STOX1: variants seen among roughly 807,000 people sequenced by gnomAD.
STOX1 encodes the protein storkhead box 1, also known as storkhead-box protein 1.
A neutral mutation model predicts 74.8 loss-of-function variants in STOX1; 57 were observed. The observed-to-expected ratio is 0.76, with a 90% CI of 0.62 to 0.95. The LOEUF is 0.95. Among genes scored for constraint, STOX1 ranks in the 40% least tolerant of loss-of-function variants. STOX1 has a pLI of 0.00. For synonymous variants in STOX1, 375 were observed against 401.3 expected (o/e 0.93, Z 0.78); for missense variants, 1,010 against 1,117.0 (o/e 0.90, Z 1.37).
At chr10:68,830,588 C>T (rs1010716755) in intron 1 of STOX1, among the ~76,000 whole-genome samples, 9 of 152,106 alleles carry the variant, frequency 5.9e-5, no homozygotes, top group African/African-American at 1.9e-4. Context: ...AGTGAACTGC[C>T]TGCCTCAGCC....
chr10:68,834,659 C>T (rs1435985355), intron 1 of STOX1, among the ~76,000 whole-genome samples: 3 of 152,232 alleles, frequency 2.0e-5, no homozygotes, highest in Non-Finnish European at 4.4e-5. Context: ...CCAGAAAGTT[C>T]CCTCCTGTCC....
chr10:68,870,064 A>G (rs1840500950), intron 1 of STOX1, among the ~76,000 whole-genome samples: 1 of 152,064 alleles, frequency 6.6e-6, no homozygotes, highest in Non-Finnish European at 1.5e-5. Context: ...AATAGAAAGG[A>G]CAGCTTTAAA....
chr10:68,885,339 A>C lies in STOX1; in HGVS notation c.1543A>C (p.Lys515Gln), dbSNP rs1247787337. The C allele has an allele frequency of 1.9e-6, 3 of 1,614,248 alleles. No homozygotes were observed. The change falls in exon 3 of 4, where the codon AAG (lysine) becomes CAG (glutamine). Residue 515 changes from lysine to glutamine, a missense_variant. Physicochemically the swap from Lys to Gln is moderately conservative, Grantham distance 53. Coordinates refer to ENST00000298596, the MANE Select transcript of STOX1 (RefSeq NM_152709.5). ...STISKGHKIQ[K>Q]TSDLKPSQTG... ...AATATCCAAAGGGCACAAAATTCAG[A>C]AGACGAGTGATCTGAAACCCAGCCA...
chr10:68,839,966 G>A (rs1839653038), intron 1 of STOX1, among the ~76,000 whole-genome samples: 1 of 152,050 alleles, frequency 6.6e-6, no homozygotes, highest in South Asian at 2.1e-4. Context: ...ATTAAAACAT[G>A]TGGTACCAGC....
intron 1 of STOX1, among the ~76,000 whole-genome samples, chr10:68,878,036 C>T (rs1840721926): frequency 6.6e-6 from 1 of 152,050 alleles, no homozygotes; most frequent in Admixed American, 6.6e-5. Context: ...AGGAAAAGGC[C>T]AGAAAAAACC....
rs1840489199 is a variant in STOX1 at position 68,869,521 on chromosome 10, AT to A, written c.311-12433del. Among the ~76,000 whole-genome samples the A allele has an allele frequency of 4.6e-5, 7 of 152,274 alleles. No individual in the cohort carries two copies. The South Asian group carries it at 1.5e-3, about 32-fold the overall frequency. On this transcript the variant is annotated intron_variant, in intron 1 of 3. Coordinates refer to ENST00000298596, the MANE Select transcript of STOX1 (RefSeq NM_152709.5). The stretch of plus-strand genomic sequence containing the variant: ...ATTTTAGTTAGTCTTAAATGACAGG[AT>A]TTTGAAACGCTGAGGTATGGGGAAG...
chr10:68,889,142 A>G (rs865852247), intron 3 of STOX1, among the ~76,000 whole-genome samples: 2 of 151,368 alleles, frequency 1.3e-5, no homozygotes, highest in African/African-American at 4.9e-5. Flanking sequence ...TACTATACCC[A>G]GCTAATTTTT....
chr10:68,886,248 T>C lies in STOX1; in HGVS notation c.2452T>C (p.Ser818Pro), dbSNP rs1356143322. 28 of 1,614,060 alleles carry C rather than the reference T, an allele frequency of 1.7e-5. No homozygotes were observed. Among genetic ancestry groups the C allele is most frequent in the Non-Finnish European group, 2.3e-5 (27 of 1,180,056 alleles). The change falls in exon 3 of 4, where the codon TCT becomes CCT. Residue 818 changes from serine (S) to proline (P), a missense_variant. By Grantham distance (74) the Ser-to-Pro change is moderately conservative (BLOSUM62 -1). Coordinates refer to ENST00000298596, the MANE Select transcript of STOX1 (RefSeq NM_152709.5). ...TPGESQEPNL[S>P]AESCGLNSGA... Reference sequence around the variant, plus strand: ...AGGTGAAAGCCAAGAACCTAACCTCTCTGCTGAAAGTTGTGGCCTAAATTC... The same window carrying C: ...AGGTGAAAGCCAAGAACCTAACCTCCCTGCTGAAAGTTGTGGCCTAAATTC...
intron 1 of STOX1, among the ~76,000 whole-genome samples, chr10:68,868,337 C>G (rs567627366): frequency 6.6e-6 from 1 of 152,230 alleles, no homozygotes; most frequent in Non-Finnish European, 1.5e-5. Context: ...CTATTCTTCA[C>G]AAGAACAAAG....
chr10:68,886,179 A>C lies in STOX1; in HGVS notation c.2383A>C (p.Lys795Gln). ...GGAGAGGGTTGAGTCTCAGGTGCTTAAAAGAAATGAATGCTACAAACCCAC... is the reference window on the plus strand; with the variant it reads ...GGAGAGGGTTGAGTCTCAGGTGCTTCAAAGAAATGAATGCTACAAACCCAC... The part of the protein sequence containing the change: ...TMERVESQVL[K>Q]RNECYKPTGL... Residue 795 changes from lysine to glutamine, a missense_variant, in exon 3 of 4, where the codon AAA becomes CAA. Physicochemically the swap from Lys to Gln is moderately conservative, Grantham distance 53 (BLOSUM62 1). Coordinates refer to ENST00000298596, the MANE Select transcript of STOX1 (RefSeq NM_152709.5). The C allele has an allele frequency of 6.2e-7, 1 of 1,614,122 alleles. No homozygotes were observed. The highest frequency in any genetic ancestry group is 8.5e-7 in the Non-Finnish European group (1 of 1,180,018).
At chr10:68,846,123 TTATTATTA>T (rs1839845105) in intron 1 of STOX1, among the ~76,000 whole-genome samples, 2 of 48,876 alleles carry the variant, frequency 4.1e-5, no homozygotes, top group South Asian at 1.2e-3. Flanking sequence ...GAGGTTTTTA[TTATTATTA>T]TTATTATTAT....
chr10:68,842,585 G>T (rs373812479), intron 1 of STOX1, among the ~76,000 whole-genome samples: 181 of 143,884 alleles, frequency 1.3e-3, no homozygotes, highest in African/African-American at 4.4e-3. Context: ...CTGTCACCCA[G>T]GCTGGAGTCC....
chr10:68,863,911 G>A (rs1254226497), intron 1 of STOX1, among the ~76,000 whole-genome samples: 2 of 148,632 alleles, frequency 1.3e-5, no homozygotes, highest in Non-Finnish European at 3.0e-5. Context: ...ACAGCTACAA[G>A]TTCTGCTTGT....
At chr10:68,876,700 C>T (rs1160456574) in intron 1 of STOX1, among the ~76,000 whole-genome samples, 1 of 152,154 alleles carries the variant, frequency 6.6e-6, no homozygotes, top group Non-Finnish European at 1.5e-5. Flanking sequence ...TATGCTCTGG[C>T]TCAAAGTCTC....
chr10:68,867,234 C>A (rs10998467), intron 1 of STOX1, among the ~76,000 whole-genome samples: 3 of 152,004 alleles, frequency 2.0e-5, no homozygotes, highest in African/African-American at 7.3e-5. Context: ...TGTGAGCCAC[C>A]GTGCCTGGCC....
rs191284778 is a variant in STOX1 at position 68,885,152 on chromosome 10, C to T, written c.1356C>T (p.His452=). 22 of 1,613,848 alleles carry T rather than the reference C, an allele frequency of 1.4e-5. No individual in the cohort carries two copies. The highest frequency in any genetic ancestry group is 3.3e-4 in the Middle Eastern group (2 of 6,062). The part of the protein sequence containing the change: ...FQPGSIRLEK[H]PKLPATQPIP... ...CAGGAAGCATTAGACTGGAGAAACA[C>T]CCCAAGCTCCCTGCTACACAGCCCA... The change falls in exon 3 of 4, where the codon CAC becomes CAT. Residue 452 remains histidine, a synonymous_variant. Transcript: ENST00000298596.
chr10:68,859,723 ATGACT>A (rs1240056983), intron 1 of STOX1, among the ~76,000 whole-genome samples: 1 of 152,002 alleles, frequency 6.6e-6, no homozygotes, highest in African/African-American at 2.4e-5. Flanking sequence ...TCTTCTAAAA[ATGACT>A]TGAACAAATG....
chr10:68,872,536 G>A (rs545055687), intron 1 of STOX1, among the ~76,000 whole-genome samples: 2 of 151,978 alleles, frequency 1.3e-5, no homozygotes, highest in Admixed American at 1.3e-4. Flanking sequence ...TAGTAGAGAC[G>A]AGGTTTCACC....
intron 1 of STOX1, among the ~76,000 whole-genome samples, chr10:68,844,448 G>A (rs1839782113): frequency 6.6e-6 from 1 of 151,834 alleles, no homozygotes; most frequent in Non-Finnish European, 1.5e-5. Flanking sequence ...ACAGGTATCT[G>A]CCACTACACC....
Sources: gnomAD v4.1 joint callset for allele counts (sites outside exome capture counted in the v4.1 genomes callset) on GRCh38, gnomAD v4.1.1 for gene constraint, MANE v1.5 for transcripts, NCBI Gene and HGNC (gene_info 2026-07-23, HGNC 2026-07-21) for gene names.